Variants in TENM4 observed in about 807,000 individuals in gnomAD.
The protein encoded by TENM4 is teneurin-4.
In TENM4, 82 loss-of-function variants were observed where a neutral mutation model predicts 243.3. That is an observed-to-expected ratio of 0.34 (90% CI 0.28 to 0.40). TENM4 has a LOEUF of 0.40. TENM4 is among the 10% of genes least tolerant of loss of function. TENM4 has a pLI of 1.00. For synonymous variants in TENM4, 1,412 were observed against 1,456.3 expected, an observed-to-expected ratio of 0.97 and a Z score of 0.69; for missense variants, 3,138 against 3,673.3, an observed-to-expected ratio of 0.85 and a Z score of 3.77.
chr11:79,076,939 G>A (rs1328364170), intron 4 of TENM4, among the ~76,000 whole-genome samples: 1 of 152,148 alleles, frequency 6.6e-6, no homozygotes, highest in African/African-American at 2.4e-5. Context: ...CAAGCCCAGA[G>A]ATTAACTGGC....
At chr11:78,664,655 CTT>C (rs1292214710) in intron 32 of TENM4, among the ~76,000 whole-genome samples, 1 of 152,210 alleles carries the variant, frequency 6.6e-6, no homozygotes, top group Non-Finnish European at 1.5e-5. Context: ...CTTGGACTAA[CTT>C]TTCTTCAAAG....
At chr11:79,305,290 T>G (rs1856608453) in intron 1 of TENM4, among the ~76,000 whole-genome samples, 1 of 152,228 alleles carries the variant, frequency 6.6e-6, no homozygotes, top group African/African-American at 2.4e-5. Context: ...TCAGAGCTGA[T>G]GTGAGAATTA....
intron 1 of TENM4, chr11:79,401,931 A>T (rs1362059489): frequency 3.7e-6 from 1 of 269,238 alleles, no homozygotes. Flanking sequence ...TCAGGCCTAG[A>T]GGGTCCTCAG....
chr11:79,155,645 C>T (rs1420463512), intron 3 of TENM4, among the ~76,000 whole-genome samples: 5 of 98,506 alleles, frequency 5.1e-5, no homozygotes, highest in African/African-American at 1.2e-4. Flanking sequence ...ATCCTTCCTT[C>T]CCTCCCTCCC....
chr11:78,984,580 T>G (rs1158901672), intron 6 of TENM4, among the ~76,000 whole-genome samples: 1 of 152,098 alleles, frequency 6.6e-6, no homozygotes, highest in Non-Finnish European at 1.5e-5. Flanking sequence ...GACAAGGGAC[T>G]CACTACTCAC....
intron 10 of TENM4, among the ~76,000 whole-genome samples, chr11:78,857,760 C>T (rs1858713951): frequency 6.6e-6 from 1 of 152,156 alleles, no homozygotes. Flanking sequence ...CTGTGATTCA[C>T]AAAGTTCAAA....
At chr11:79,315,324 TCA>T (rs1170600151) in intron 1 of TENM4, among the ~76,000 whole-genome samples, 6 of 152,272 alleles carry the variant, frequency 3.9e-5, no homozygotes, top group African/African-American at 1.4e-4. Context: ...TCCCAGAGGT[TCA>T]CCGCTCAAGA....
intron 12 of TENM4, among the ~76,000 whole-genome samples, chr11:78,816,228 T>C (rs1857602291): frequency 1.3e-5 from 2 of 152,208 alleles, no homozygotes; most frequent in East Asian, 1.9e-4. Context: ...ATAAACTCCA[T>C]ACCCTGGGCA....
At chr11:79,392,056 A>G (rs1858245797) in intron 1 of TENM4, among the ~76,000 whole-genome samples, 1 of 152,216 alleles carries the variant, frequency 6.6e-6, no homozygotes. Flanking sequence ...CTTATAACCA[A>G]CACAGACTCC....
At chr11:79,116,903 C>T (rs1039185625) in intron 4 of TENM4, among the ~76,000 whole-genome samples, 1 of 152,154 alleles carries the variant, frequency 6.6e-6, no homozygotes, top group Non-Finnish European at 1.5e-5. Flanking sequence ...GTATAACATG[C>T]TTAGCATGGA....
At position 79,005,835 on chromosome 11, in the gene TENM4, C is replaced by T. The variant is rs935607734; in HGVS notation, c.493+58903G>A. On this transcript the variant is annotated intron_variant, in intron 6 of 33. Coordinates refer to ENST00000278550, the MANE Select transcript of TENM4 (RefSeq NM_001098816.3). Reference sequence around the variant, plus strand: ...TGTTTTCAGATAATATGATTCTATACCTAGAAAACTCCACAGTTTCTACCC... The same window carrying T: ...TGTTTTCAGATAATATGATTCTATATCTAGAAAACTCCACAGTTTCTACCC... Among the ~76,000 whole-genome samples, 7 of 152,212 alleles carry T rather than the reference C, an allele frequency of 4.6e-5. No homozygotes were observed. The South Asian group carries it at 6.2e-4, about 14-fold the overall frequency.
intron 2 of TENM4, among the ~76,000 whole-genome samples, chr11:79,257,958 G>A (rs1259954301): frequency 6.6e-6 from 1 of 152,216 alleles, no homozygotes; most frequent in African/African-American, 2.4e-5. Context: ...TGCAGAATGA[G>A]AGTCTGCTCA....
intron 10 of TENM4, among the ~76,000 whole-genome samples, chr11:78,856,938 T>C (rs1858694409): frequency 6.6e-6 from 1 of 152,190 alleles, no homozygotes; most frequent in Non-Finnish European, 1.5e-5. Flanking sequence ...TAAGCATCCA[T>C]GCAGGGTGTC....
intron 6 of TENM4, among the ~76,000 whole-genome samples, chr11:79,037,134 A>G (rs1358462596): frequency 1.3e-5 from 2 of 152,184 alleles, no homozygotes; most frequent in East Asian, 3.9e-4. Context: ...CGATTGTATT[A>G]CAACATCATC....
At chr11:79,157,848 A>G (rs1862655880) in intron 3 of TENM4, among the ~76,000 whole-genome samples, 1 of 152,044 alleles carries the variant, frequency 6.6e-6, no homozygotes, top group Non-Finnish European at 1.5e-5. Flanking sequence ...GTGTATTTTT[A>G]CCATTGTATC....
In TENM4 at chr11:79,313,534, A is replaced by G. The variant is rs532553463; in HGVS notation, c.-320-15991T>C. 2.6e-5 allele frequency among the ~76,000 whole-genome samples: 4 copies of G among 152,334 alleles called. No homozygotes were observed. In the South Asian group the frequency reaches 8.3e-4, roughly 32 times the overall value. On this transcript the variant is annotated intron_variant, in intron 1 of 33. Coordinates refer to ENST00000278550, the MANE Select transcript of TENM4 (RefSeq NM_001098816.3). Reference sequence around the variant, plus strand: ...ACTTGCTAATAACTCTTTCACAGAAAGAGCTCCATTCCTGCTGATTTCAAG... The same window carrying G: ...ACTTGCTAATAACTCTTTCACAGAAGGAGCTCCATTCCTGCTGATTTCAAG...
At chr11:79,433,893 C>T (rs1316781432) in intron 1 of TENM4, among the ~76,000 whole-genome samples, 1 of 152,200 alleles carries the variant, frequency 6.6e-6, no homozygotes, top group Non-Finnish European at 1.5e-5. Context: ...GAGTCAGCAA[C>T]CAACAGAGCG....
At chr11:79,098,601 C>A (rs77969380) in intron 4 of TENM4, among the ~76,000 whole-genome samples, 1,745 of 152,276 alleles carry the variant, frequency 0.011, 32 homozygotes, top group African/African-American at 0.04. Context: ...GGAGCTCATG[C>A]ACACCTGTAC....
At chr11:78,903,706 G>T in intron 6 of TENM4, 183 bp from the exon 7 acceptor site, 1 of 1,024,510 alleles carries the variant, frequency 9.8e-7, no homozygotes, top group East Asian at 2.6e-5. Context: ...AGGTGCTAGG[G>T]ATACCTTAAC....
Sources: allele counts gnomAD v4.1 joint callset (sites outside exome capture counted in the v4.1 genomes callset), GRCh38; gene constraint gnomAD v4.1.1; transcripts MANE v1.5; gene names NCBI Gene and HGNC (gene_info 2026-07-23, HGNC 2026-07-21).